The following NRXN3 variants were observed in gnomAD, a reference collection of about 807,000 sequenced individuals.
NRXN3 encodes the protein neurexin III.
NRXN3 carries 32 observed loss-of-function variants against 137.6 expected under a neutral mutation model. That is an observed-to-expected ratio of 0.23 (90% CI 0.18 to 0.31). The LOEUF is 0.31. Ranked by LOEUF, NRXN3 falls within the 10% of genes least tolerant of loss-of-function variation. The probability of loss-of-function intolerance (pLI) is 1.00; values close to 1 mark genes in which losing one functional copy is unlikely to be tolerated. For missense variants in NRXN3, 1,574 were observed against 2,062.5 expected, an observed-to-expected ratio of 0.76 and a Z score of 4.59; for synonymous variants, 798 against 784.5, an observed-to-expected ratio of 1.02 and a Z score of -0.29.
At position 78,614,805 on chromosome 14, in the gene NRXN3, G is replaced by A. The variant is rs780299602; in HGVS notation, c.758-30315G>A. 4 of 356,564 alleles carry A rather than the reference G, an allele frequency of 1.1e-5. No homozygotes were observed. In the Admixed American group the frequency reaches 1.4e-4, roughly 12 times the overall value. The allele number at this position is 356,564 out of a possible 1,614,324, so 22.1% of individuals were successfully genotyped here. ...AATTGTGCCCAAGGCACTCCCTACA[G>A]CAAATTAGGTAATGAAACAACTCTT... On this transcript the variant is annotated intron_variant, in intron 4 of 20. Coordinates refer to ENST00000335750, the MANE Select transcript of NRXN3 (RefSeq NM_001330195.2).
Position 78,698,506 on chromosome 14 carries a change from G to C in NRXN3, c.1222-10711G>C, listed in dbSNP as rs569000422. ...TTGACTCTAGGTAGAGAGGATGAAG[G>C]CTCTGAGATACTGTCTCAAAACATT... On this transcript the variant is annotated intron_variant, in intron 6 of 20. Coordinates refer to ENST00000335750, the MANE Select transcript of NRXN3 (RefSeq NM_001330195.2). Among the ~76,000 whole-genome samples the C allele has an allele frequency of 2.5e-4, 38 of 152,096 alleles. 1 individual carries two copies. Among genetic ancestry groups the C allele is most frequent in the Admixed American group, 3.3e-4 (5 of 15,270 alleles).
intron 4 of NRXN3, among the ~76,000 whole-genome samples, chr14:78,395,748 G>A (rs1196713116): frequency 1.3e-5 from 2 of 151,678 alleles, no homozygotes; most frequent in Non-Finnish European, 3.0e-5. Flanking sequence ...AATCCTCCCT[G>A]TTTTTGTGAT....
intron 4 of NRXN3, among the ~76,000 whole-genome samples, chr14:78,319,359 G>A (rs553184816): frequency 1.3e-5 from 2 of 152,256 alleles, no homozygotes; most frequent in South Asian, 4.1e-4. Context: ...CACATGTGCT[G>A]TTCCATTCCC....
intron 15 of NRXN3, among the ~76,000 whole-genome samples, chr14:79,373,700 A>G (rs1181037845): frequency 6.6e-6 from 1 of 152,204 alleles, no homozygotes; most frequent in African/African-American, 2.4e-5. Flanking sequence ...GCACATAATT[A>G]CATGGTTGGT....
chr14:79,663,670 A>G, intron 16 of NRXN3, 108 bp from the exon 17 acceptor site: 1 of 808,534 alleles, frequency 1.2e-6, no homozygotes, highest in Non-Finnish European at 2.0e-6. Context: ...TCATGCTGAC[A>G]GCTCCCTCTG....
chr14:78,253,436 G>A (rs998192911), intron 2 of NRXN3, among the ~76,000 whole-genome samples: 4 of 152,080 alleles, frequency 2.6e-5, no homozygotes, highest in Non-Finnish European at 5.9e-5. Context: ...TACTTTGGGA[G>A]GCTGATGATG....
chr14:78,554,300 A>G (rs1035182056), intron 4 of NRXN3, among the ~76,000 whole-genome samples: 6 of 152,164 alleles, frequency 3.9e-5, no homozygotes, highest in Non-Finnish European at 8.8e-5. Flanking sequence ...GCCATTGGAT[A>G]TGTGGTTACT....
intron 15 of NRXN3, among the ~76,000 whole-genome samples, chr14:79,317,190 C>T (rs140624416): frequency 2.6e-4 from 39 of 152,180 alleles, no homozygotes; most frequent in East Asian, 1.2e-3. Context: ...TGAGATCGTG[C>T]CACTGCACTC....
intron 4 of NRXN3, among the ~76,000 whole-genome samples, chr14:78,342,219 G>A (rs185405336): frequency 2.0e-5 from 3 of 152,288 alleles, no homozygotes; most frequent in South Asian, 2.1e-4. Context: ...TGACAACACA[G>A]CGTATTTCCA....
chr14:78,624,829 G>GTGTT (rs1555404275), intron 4 of NRXN3, among the ~76,000 whole-genome samples: 1,808 of 147,078 alleles, frequency 0.012, 21 homozygotes, highest in African/African-American at 0.038. Context: ...GTGTGTGTGT[G>GTGTT]TGTTTGTTTG....
At position 79,122,505 on chromosome 14, in the gene NRXN3, A is replaced by C. The variant is rs2055629180; in HGVS notation, c.3262+134364A>C. The stretch of plus-strand genomic sequence containing the variant: ...TTTCCAGATACTACATGGGATACAT[A>C]AGTAGAAGAGTTAGGAATCGTTTTC... On this transcript the variant is annotated intron_variant, in intron 15 of 20. Coordinates refer to ENST00000335750, the MANE Select transcript of NRXN3 (RefSeq NM_001330195.2). Among the ~76,000 whole-genome samples the C allele has an allele frequency of 2.6e-5, 4 of 152,334 alleles. No individual in the cohort carries two copies. In the South Asian group the frequency reaches 8.3e-4, roughly 32 times the overall value.
At chr14:78,654,514 A>G (rs1490862519) in intron 6 of NRXN3, among the ~76,000 whole-genome samples, 3 of 152,222 alleles carry the variant, frequency 2.0e-5, no homozygotes, top group Non-Finnish European at 2.9e-5. Flanking sequence ...CTTCACACCT[A>G]AAAGCTAAGT....
intron 16 of NRXN3, among the ~76,000 whole-genome samples, chr14:79,603,709 GA>G (rs149819224): frequency 6.1e-5 from 9 of 147,184 alleles, no homozygotes; most frequent in South Asian, 2.1e-4. Flanking sequence ...ATAAATGTTT[GA>G]AAAAAAAAAT....
At chr14:78,332,250 T>G (rs530953093) in intron 4 of NRXN3, among the ~76,000 whole-genome samples, 57 of 152,234 alleles carry the variant, frequency 3.7e-4, no homozygotes, top group Non-Finnish European at 7.6e-4. Context: ...AATTCTTTTC[T>G]TCCTCCCCAT....
intron 8 of NRXN3, among the ~76,000 whole-genome samples, chr14:78,775,768 A>G (rs1401544063): frequency 2.0e-5 from 3 of 152,218 alleles, no homozygotes; most frequent in African/African-American, 4.8e-5. Flanking sequence ...CATGTTTGAT[A>G]TCTGTATTTT....
intron 19 of NRXN3, among the ~76,000 whole-genome samples, chr14:79,750,955 G>A (rs1419636710): frequency 2.0e-5 from 3 of 152,148 alleles, no homozygotes; most frequent in African/African-American, 7.2e-5. Context: ...TATGCTCTCT[G>A]AATTGAACCT....
rs573469188 is a variant in NRXN3, at chr14:79,399,937, C to T, written c.3263-67284C>T. Among the ~76,000 whole-genome samples the T allele has an allele frequency of 1.4e-4, 22 of 152,210 alleles. 1 individual carries two copies. Among genetic ancestry groups the T allele is most frequent in the Middle Eastern group, 3.4e-3 (1 of 294 alleles). On this transcript the variant is annotated intron_variant, in intron 15 of 20. Transcript: ENST00000335750. The stretch of plus-strand genomic sequence containing the variant: ...CTGGGCTTTCCTTGGCTTTTAGCAG[C>T]GTCACTCCAGTCCCTGTTTCTGTGG...
chr14:78,898,953 T>C (rs2152733736), intron 10 of NRXN3, among the ~76,000 whole-genome samples: 1 of 152,078 alleles, frequency 6.6e-6, no homozygotes, highest in South Asian at 2.1e-4. Flanking sequence ...CTGGGTTCCA[T>C]CATGCTTCTT....
chr14:79,489,547 G>A (rs910083378), intron 16 of NRXN3, among the ~76,000 whole-genome samples: 27 of 152,270 alleles, frequency 1.8e-4, no homozygotes, highest in African/African-American at 6.3e-4. Flanking sequence ...TCACTCAAAG[G>A]ATAGCCTAGA....
Sources: gnomAD v4.1 joint callset for allele counts (sites outside exome capture counted in the v4.1 genomes callset) on GRCh38, gnomAD v4.1.1 for gene constraint, MANE v1.5 for transcripts, NCBI Gene and HGNC (gene_info 2026-07-23, HGNC 2026-07-21) for gene names.